Variants in C3orf70 observed in about 807,000 individuals in gnomAD.
C3orf70 encodes the protein chromosome 3 open reading frame 70.
A neutral mutation model predicts 20.7 loss-of-function variants in C3orf70; 15 were observed. The ratio of observed to expected loss-of-function variants is 0.72; its 90% CI spans 0.48 to 1.11. C3orf70 has a LOEUF of 1.11. Ranked by LOEUF, C3orf70 falls within the 50% of genes most tolerant of loss-of-function variation. The pLI is 0.00. For missense variants in C3orf70, 332 were observed against 317.6 expected (o/e 1.05, Z -0.34); for synonymous variants, 161 against 125.7 (o/e 1.28, Z -1.88).
intron 1 of C3orf70, among the ~76,000 whole-genome samples, chr3:185,120,383 A>G (rs1482280416): frequency 6.6e-6 from 1 of 152,198 alleles, no homozygotes; most frequent in Non-Finnish European, 1.5e-5. Context: ...ACAGTATAGT[A>G]AACAAATAGA....
intron 1 of C3orf70, among the ~76,000 whole-genome samples, chr3:185,118,381 T>C (rs909053338): frequency 6.6e-6 from 1 of 152,222 alleles, no homozygotes; most frequent in African/African-American, 2.4e-5. Flanking sequence ...TTATACGGCA[T>C]ATATACTTGA....
Position 185,091,864 on chromosome 3 carries a change from TTA to T in C3orf70, c.197-8303_197-8302del, listed in dbSNP as rs71162280. On this transcript the variant is annotated intron_variant, in intron 1 of 1. Transcript: ENST00000335012. The stretch of plus-strand genomic sequence containing the variant: ...CACACCCAGCTATATATGTATTATA[TTA>T]TATATATATATATAATATATATACA... 6.6e-3 allele frequency among the ~76,000 whole-genome samples: 821 copies of T among 124,436 alleles called. 29 individuals carry two copies. Among genetic ancestry groups the T allele is most frequent in the Admixed American group, 0.039 (424 of 10,810 alleles). The allele number at this position is 124,436 out of a possible 152,430, so 81.6% of individuals were successfully genotyped here. A position where few individuals can be genotyped will look rare whatever the true frequency, so the allele number is the denominator to read the frequency against.
intron 1 of C3orf70, 146 bp downstream of exon 1, chr3:185,152,482 G>A: frequency 1.9e-6 from 1 of 539,022 alleles, no homozygotes; most frequent in South Asian, 6.8e-5. Flanking sequence ...GGCGGGCCCG[G>A]AGCCCACGGC....
At chr3:185,118,385 T>C (rs778364415) in intron 1 of C3orf70, among the ~76,000 whole-genome samples, 1 of 152,216 alleles carries the variant, frequency 6.6e-6, no homozygotes, top group Non-Finnish European at 1.5e-5. Context: ...ACGGCATATA[T>C]ACTTGACTAT....
intron 1 of C3orf70, among the ~76,000 whole-genome samples, chr3:185,113,759 A>G (rs1716123445): frequency 6.6e-6 from 1 of 152,228 alleles, no homozygotes; most frequent in African/African-American, 2.4e-5. Flanking sequence ...AGTGCCAGAG[A>G]CAGAGCTATG....
rs953877416 is a variant in C3orf70 at position 185,077,651 on chromosome 3, C to G, written c.*5356G>C. On this transcript the variant is annotated 3_prime_UTR_variant, in exon 2 of 2. Coordinates refer to ENST00000335012, the MANE Select transcript of C3orf70 (RefSeq NM_001025266.3). Reference sequence around the variant, plus strand: ...TGAGTCTTGGTGACCAAGCGACCCCCCCAAGCTCTGCCGGGCAGCAGCCTC... The same window carrying G: ...TGAGTCTTGGTGACCAAGCGACCCCGCCAAGCTCTGCCGGGCAGCAGCCTC... 6.6e-6 allele frequency among the ~76,000 whole-genome samples: 1 copy of G among 152,170 alleles called. No homozygotes were observed. The highest frequency in any genetic ancestry group is 1.5e-5 in the Non-Finnish European group (1 of 68,040).
intron 1 of C3orf70, among the ~76,000 whole-genome samples, chr3:185,086,464 A>G (rs1174113352): frequency 1.3e-5 from 2 of 152,220 alleles, no homozygotes; most frequent in East Asian, 3.8e-4. Flanking sequence ...TTAGTGCCCT[A>G]TGAGAAGAGG....
chr3:185,139,619 A>G (rs566482296), intron 1 of C3orf70, among the ~76,000 whole-genome samples: 25 of 152,176 alleles, frequency 1.6e-4, no homozygotes, highest in African/African-American at 6.0e-4. Context: ...GCAAGATTGT[A>G]TGGTACTGGC....
In C3orf70 at chr3:185,146,318, G is replaced by A. The variant is rs796510167; in HGVS notation, c.196+6310C>T. Among the ~76,000 whole-genome samples the A allele has an allele frequency of 2.5e-3, 271 of 107,526 alleles. 4 individuals are homozygous for A. Among genetic ancestry groups the A allele is most frequent in the African/African-American group, 9.0e-3 (249 of 27,576 alleles). 70.5% of individuals were successfully genotyped at this position (107,526 alleles called of 152,430 possible). A position where few individuals can be genotyped will look rare whatever the true frequency, so the allele number is the denominator to read the frequency against. On this transcript the variant is annotated intron_variant, in intron 1 of 1. Transcript: ENST00000335012. ...TTTTTTTTTTTTGAGAGGGAGTTTC[G>A]CTCTTGTTGCCCAGGCTGGAGTGCA...
intron 1 of C3orf70, among the ~76,000 whole-genome samples, chr3:185,130,217 G>A (rs866470844): frequency 2.0e-5 from 3 of 152,120 alleles, no homozygotes; most frequent in Admixed American, 6.6e-5. Flanking sequence ...TTGGGAGGCC[G>A]AGGCGGGCGG....
At chr3:185,145,517 A>G (rs575195807) in intron 1 of C3orf70, among the ~76,000 whole-genome samples, 1 of 152,368 alleles carries the variant, frequency 6.6e-6, no homozygotes, top group Admixed American at 6.5e-5. Flanking sequence ...AACCATTCCA[A>G]AAATATTCAT....
At chr3:185,130,102 G>A (rs1245747681) in intron 1 of C3orf70, among the ~76,000 whole-genome samples, 1 of 151,644 alleles carries the variant, frequency 6.6e-6, no homozygotes, top group African/African-American at 2.4e-5. Flanking sequence ...TCCATGTTTT[G>A]TCAATTATTC....
rs3732936 is a variant in C3orf70, at chr3:185,077,144, C to G, written c.*5863G>C. Among the ~76,000 whole-genome samples the G allele has an allele frequency of 2.0e-5, 3 of 151,402 alleles. No homozygotes were observed. On this transcript the variant is annotated 3_prime_UTR_variant, in exon 2 of 2. Coordinates refer to ENST00000335012, the MANE Select transcript of C3orf70 (RefSeq NM_001025266.3). ...GTATAGGGTGCGGGGTGGGGGGGCA[C>G]TGTATGGAGGACAGAGAAGGGGACA... is the stretch of plus-strand genomic sequence containing the variant.
chr3:185,125,384 AAACAAC>A (rs141336074), intron 1 of C3orf70, among the ~76,000 whole-genome samples: 45,133 of 149,694 alleles, frequency 0.3, 7,506 homozygotes, highest in East Asian at 0.5. Flanking sequence ...CCATCTCCAA[AAACAAC>A]AACAACAACA....
At chr3:185,093,656 G>C (rs1356925543) in intron 1 of C3orf70, among the ~76,000 whole-genome samples, 1 of 152,120 alleles carries the variant, frequency 6.6e-6, no homozygotes, top group Non-Finnish European at 1.5e-5. Context: ...AGAAGTTAGA[G>C]AAAAGTGAGG....
intron 1 of C3orf70, among the ~76,000 whole-genome samples, chr3:185,107,109 T>C (rs1715960708): frequency 6.6e-6 from 1 of 152,114 alleles, no homozygotes; most frequent in African/African-American, 2.4e-5. Flanking sequence ...GGGAAAGAAA[T>C]TTAAAGGTTT....
chr3:185,106,989 A>G (rs375531521), intron 1 of C3orf70, among the ~76,000 whole-genome samples: 5 of 152,068 alleles, frequency 3.3e-5, no homozygotes, highest in Non-Finnish European at 5.9e-5. Context: ...CATGGGGAAA[A>G]GTGAAATTAA....
At position 185,152,713 on chromosome 3, in the gene C3orf70, C is replaced by A. The variant is rs757919965; in HGVS notation, c.111G>T (p.Pro37=). ...SCAARRPDFQ[P]CDGLSICATH... is the part of the protein sequence containing the mutation. The stretch of plus-strand genomic sequence containing the variant: ...TGGCACAGATAGACAGCCCGTCGCA[C>A]GGCTGGAAGTCGGGTCTGCGGGCGG... Residue 37 remains proline (P), a synonymous_variant, in exon 1 of 2, where the codon CCG becomes CCT. Transcript: ENST00000335012. 4 of 1,593,394 alleles carry A rather than the reference C, an allele frequency of 2.5e-6. No individual in the cohort carries two copies. The highest frequency in any genetic ancestry group is 3.4e-6 in the Non-Finnish European group (4 of 1,170,634).
chr3:185,100,763 G>GA (rs58981155), intron 1 of C3orf70, among the ~76,000 whole-genome samples: 245 of 144,262 alleles, frequency 1.7e-3, no homozygotes, highest in South Asian at 7.3e-3. Context: ...TTGGTTTTTT[G>GA]AAAAAAAAAA....
Sources: gnomAD v4.1 joint callset for allele counts (sites outside exome capture counted in the v4.1 genomes callset) on GRCh38, gnomAD v4.1.1 for gene constraint, MANE v1.5 for transcripts, NCBI Gene and HGNC (gene_info 2026-07-23, HGNC 2026-07-21) for gene names.